The following JAK2 variants were observed in gnomAD, a reference collection of about 807,000 sequenced individuals.
JAK2 encodes tyrosine-protein kinase JAK2.
Under a neutral mutation model 139.3 loss-of-function variants are expected in JAK2, and 86 were observed. That is an observed-to-expected ratio of 0.62 (90% CI 0.52 to 0.74). The LOEUF (loss-of-function observed/expected upper bound fraction) is 0.74, where lower values mean the gene tolerates loss of function less well. Among genes scored for constraint, JAK2 ranks in the 30% least tolerant of loss-of-function variants. The probability of loss-of-function intolerance (pLI) is 0.00; values close to 1 mark genes in which losing one functional copy is unlikely to be tolerated. For synonymous variants in JAK2, 490 were observed against 437.7 expected (o/e 1.12, Z -1.49); for missense variants, 1,421 against 1,360.3 (o/e 1.04, Z -0.70).
chr9:5,043,206 G>T (rs1328941768), intron 4 of JAK2, among the ~76,000 whole-genome samples: 4 of 152,242 alleles, frequency 2.6e-5, no homozygotes, highest in African/African-American at 7.2e-5. Context: ...GCTTGAGGCA[G>T]TGCCCAGGGC....
intron 23 of JAK2, chr9:5,125,922 T>C (rs1823960383): frequency 6.6e-6 from 1 of 152,316 alleles, no homozygotes; most frequent in African/African-American, 2.4e-5. Flanking sequence ...TTTAATTTTA[T>C]AAACTTTGAC....
intron 2 of JAK2, among the ~76,000 whole-genome samples, chr9:4,993,273 A>G (rs1820368839): frequency 1.3e-5 from 2 of 152,204 alleles, no homozygotes; most frequent in African/African-American, 2.4e-5. Context: ...TCTATGAGGT[A>G]CTGATTTAGA....
intron 22 of JAK2, among the ~76,000 whole-genome samples, chr9:5,106,026 C>T (rs1168531068): frequency 1.3e-5 from 2 of 152,112 alleles, no homozygotes; most frequent in African/African-American, 4.8e-5. Context: ...GATGAAAACG[C>T]CAGAAACAAA....
chr9:5,107,430 C>T (rs1564010989), intron 22 of JAK2, among the ~76,000 whole-genome samples: 1 of 152,104 alleles, frequency 6.6e-6, no homozygotes, highest in Non-Finnish European at 1.5e-5. Context: ...ACTTAGAAAT[C>T]GCTCTAATAC....
Position 5,010,580 on chromosome 9 carries a change from C to T in JAK2, c.-25-11383C>T, listed in dbSNP as rs557072908. On this transcript the variant is annotated intron_variant, in intron 2 of 24. Coordinates refer to ENST00000381652, the MANE Select transcript of JAK2 (RefSeq NM_004972.4). ...AGGTGATTCACCCGCCTCGGCCTCC[C>T]AAATGCTGGGATTACAGGCGTGGGC... 4.0e-3 allele frequency among the ~76,000 whole-genome samples: 614 copies of T among 152,284 alleles called. 2 individuals carry two copies. Among genetic ancestry groups the T allele is most frequent in the Non-Finnish European group, 6.7e-3 (455 of 68,018 alleles).
chr9:4,985,595 C>T lies in JAK2; in HGVS notation c.-144C>T, dbSNP rs1437027951. The T allele has an allele frequency of 6.6e-6, 1 of 152,356 alleles. No individual in the cohort carries two copies. The highest frequency in any genetic ancestry group is 1.5e-5 in the Non-Finnish European group (1 of 68,168). The allele number at this position is 152,356 out of a possible 1,614,324, so 9.4% of individuals were successfully genotyped here. A position where few individuals can be genotyped will look rare whatever the true frequency, so the allele number is the denominator to read the frequency against. On this transcript the variant is annotated 5_prime_UTR_variant, in exon 1 of 25. Coordinates refer to ENST00000381652, the MANE Select transcript of JAK2 (RefSeq NM_004972.4). The stretch of plus-strand genomic sequence containing the variant: ...CGGGTAGGAGCCGCCCCTGCGGGCT[C>T]GAGGGCGCGCTCTGGTCGCCCGATC...
intron 13 of JAK2, among the ~76,000 whole-genome samples, 169 bp downstream of exon 13, chr9:5,072,795 A>G (rs1047665590): frequency 6.6e-6 from 1 of 152,124 alleles, no homozygotes; most frequent in African/African-American, 2.4e-5. Context: ...CAGGGTTTGA[A>G]AATTACCGGA....
In JAK2 at chr9:5,050,831, G is replaced by C; in HGVS notation, c.614G>C (p.Ser205Thr). ...QTPLAIYNSI[S>T]YKTFLPKCIR... is the part of the protein sequence containing the mutation. ...CCACTGGCCATCTATAACTCTATCAGGTAATTTTCTTTTGCAAATCCTTAC... is the reference window on the plus strand; with the variant it reads ...CCACTGGCCATCTATAACTCTATCACGTAATTTTCTTTTGCAAATCCTTAC... Residue 205 changes from serine to threonine, a missense_variant and splice_region_variant, in exon 6 of 25, where the codon AGC (serine) becomes ACC (threonine). Ser to Thr is a moderately conservative substitution (Grantham distance 58). Coordinates refer to ENST00000381652, the MANE Select transcript of JAK2 (RefSeq NM_004972.4). 1 of 1,612,416 alleles carries C rather than the reference G, an allele frequency of 6.2e-7. No individual in the cohort carries two copies. Among genetic ancestry groups the C allele is most frequent in the African/African-American group, 1.3e-5 (1 of 74,928 alleles).
intron 22 of JAK2, chr9:5,114,574 G>A (rs1822970973): frequency 4.1e-6 from 2 of 491,098 alleles, no homozygotes; most frequent in East Asian, 5.5e-5. Flanking sequence ...CAGAACTTCT[G>A]GCCCAAGGAC....
At chr9:5,063,559 T>G (rs1200786044) in intron 8 of JAK2, among the ~76,000 whole-genome samples, 2 of 152,192 alleles carry the variant, frequency 1.3e-5, no homozygotes, top group Non-Finnish European at 2.9e-5. Context: ...GTACAGCCTC[T>G]GGTATTTGTT....
At chr9:5,116,910 A>G (rs1459015529) in intron 22 of JAK2, among the ~76,000 whole-genome samples, 3 of 152,276 alleles carry the variant, frequency 2.0e-5, no homozygotes, top group East Asian at 1.9e-4. Context: ...CTGGGAAAAC[A>G]TAACAGTACA....
intron 8 of JAK2, among the ~76,000 whole-genome samples, chr9:5,056,702 G>T (rs1817792262): frequency 6.6e-6 from 1 of 152,106 alleles, no homozygotes; most frequent in Non-Finnish European, 1.5e-5. Flanking sequence ...TTTTATGGAT[G>T]CATAAAAGGA....
chr9:5,105,953 A>C lies in JAK2; in HGVS notation c.3059+15042A>C, dbSNP rs566505330. On this transcript the variant is annotated intron_variant, in intron 22 of 24. Coordinates refer to ENST00000381652, the MANE Select transcript of JAK2 (RefSeq NM_004972.4). ...ACTTAAATGTTAGACTTAAAACCAT[A>C]AAAGCCCTAGAAGAAAGCCTAGGCA... is the stretch of plus-strand genomic sequence containing the variant. 2.5e-4 allele frequency among the ~76,000 whole-genome samples: 38 copies of C among 152,366 alleles called. No homozygotes were observed. The East Asian group carries it at 7.3e-3, about 29-fold the overall frequency.
intron 19 of JAK2, among the ~76,000 whole-genome samples, chr9:5,083,331 A>C (rs1819846404): frequency 6.6e-6 from 1 of 152,194 alleles, no homozygotes; most frequent in African/African-American, 2.4e-5. Context: ...GGGAATGCTC[A>C]GTTCTTAGTA....
intron 2 of JAK2, among the ~76,000 whole-genome samples, chr9:5,009,810 G>T (rs1222766670): frequency 4.7e-5 from 7 of 149,718 alleles, no homozygotes; most frequent in Non-Finnish European, 8.9e-5. Flanking sequence ...TTGCTCTGTT[G>T]CCCAGGCTGG....
At chr9:5,020,146 C>T (rs1400965478) in intron 2 of JAK2, among the ~76,000 whole-genome samples, 1 of 152,050 alleles carries the variant, frequency 6.6e-6, no homozygotes, top group Non-Finnish European at 1.5e-5. Context: ...TCTGGCTGTC[C>T]AGTTGTCTGT....
intron 4 of JAK2, among the ~76,000 whole-genome samples, chr9:5,039,723 A>T (rs1340021223): frequency 6.6e-6 from 1 of 152,178 alleles, no homozygotes; most frequent in African/African-American, 2.4e-5. Flanking sequence ...AATTAAAAAA[A>T]TTTCATTAAC....
chr9:5,127,266 T>C lies in JAK2; in HGVS notation c.*475T>C, dbSNP rs926948095. On this transcript the variant is annotated 3_prime_UTR_variant, in exon 25 of 25. Coordinates refer to ENST00000381652, the MANE Select transcript of JAK2 (RefSeq NM_004972.4). ...TGTTTTCTAATTTTTCCATAGTTAA[T>C]CTATAATTAATTACTTCACTATACA... 4.3e-6 allele frequency: 1 copy of C among 232,580 alleles called. No individual in the cohort carries two copies. The highest frequency in any genetic ancestry group is 6.0e-5 in the East Asian group (1 of 16,534). The allele number at this position is 232,580 out of a possible 1,614,324, so 14.4% of individuals were successfully genotyped here.
intron 3 of JAK2, among the ~76,000 whole-genome samples, chr9:5,027,952 A>G (rs1822885764): frequency 6.6e-6 from 1 of 152,208 alleles, no homozygotes; most frequent in African/African-American, 2.4e-5. Flanking sequence ...AAAGATACCC[A>G]TGAGAGCCAG....
Sources: gnomAD v4.1 joint callset for allele counts (sites outside exome capture counted in the v4.1 genomes callset) on GRCh38, gnomAD v4.1.1 for gene constraint, MANE v1.5 for transcripts, NCBI Gene and HGNC (gene_info 2026-07-23, HGNC 2026-07-21) for gene names.